Variants in ANO1 observed in about 807,000 individuals in gnomAD.
The protein encoded by ANO1 is anoctamin-1.
Under a neutral mutation model 124.0 loss-of-function variants are expected in ANO1, and 59 were observed. The observed-to-expected ratio is 0.48, with a 90% CI of 0.39 to 0.59. The LOEUF (loss-of-function observed/expected upper bound fraction) is 0.59, where lower values mean the gene tolerates loss of function less well. ANO1 is among the 20% of genes least tolerant of loss of function. The probability of loss-of-function intolerance (pLI) is 0.00; values close to 1 mark genes in which losing one functional copy is unlikely to be tolerated. For missense variants in ANO1, 1,059 were observed against 1,328.0 expected, an observed-to-expected ratio of 0.80 and a Z score of 3.15; for synonymous variants, 529 against 532.0, an observed-to-expected ratio of 0.99 and a Z score of 0.08.
intron 1 of ANO1, among the ~76,000 whole-genome samples, chr11:70,070,805 C>T (rs543219372): frequency 6.6e-6 from 1 of 152,270 alleles, no homozygotes; most frequent in Admixed American, 6.5e-5. Context: ...CTGAATGAAC[C>T]CCTCACTCTA....
chr11:69,971,807 C>T, the ANO1 span, among the ~76,000 whole-genome samples: 222 of 152,280 alleles, frequency 1.5e-3, 1 homozygote, highest in African/African-American at 4.9e-3. Flanking sequence ...ATGTAACTCT[C>T]ACCTTCACGA....
chr11:70,087,991 G>A lies in ANO1; in HGVS notation c.348G>A (p.Pro116=), dbSNP rs557246681. The change falls in exon 2 of 26, where the codon CCG becomes CCA. Residue 116 remains proline (P), a synonymous_variant. Transcript: ENST00000355303. ...TGGATGCAGGCTCGGGGGAGCCCCC[G>A]ATGGACTACCACGAGGATGACAAGC... ...ASLDAGSGEP[P]MDYHEDDKRF... The A allele has an allele frequency of 9.6e-6, 15 of 1,568,314 alleles. No homozygotes were observed. The highest frequency in any genetic ancestry group is 2.7e-5 in the African/African-American group (2 of 73,858).
At chr11:70,169,352 C>A (rs749661614) in intron 21 of ANO1, among the ~76,000 whole-genome samples, 1 of 152,114 alleles carries the variant, frequency 6.6e-6, no homozygotes, top group Non-Finnish European at 1.5e-5. Flanking sequence ...TTTCTCCCCA[C>A]CCCATGGGCT....
At chr11:70,141,117 T>G (rs1455784883) in intron 11 of ANO1, among the ~76,000 whole-genome samples, 1 of 152,308 alleles carries the variant, frequency 6.6e-6, no homozygotes, top group African/African-American at 2.4e-5. Context: ...CACCTCTCTG[T>G]CCAAACGTTC....
At position 70,006,913 on chromosome 11, in the gene ANO1, G is replaced by A. The variant is rs532769880; in HGVS notation, c.58+20747G>A. On this transcript the variant is annotated intron_variant, in intron 1 of 27. Coordinates refer to the ANO1 transcript ENST00000531349. ...TCGAACTCCTGACTTCAGGTGATCC[G>A]CCCGCCTCGGCCTCCCAAAGTGCTG... Among the ~76,000 whole-genome samples the A allele has an allele frequency of 1.1e-3, 170 of 151,928 alleles. 3 individuals are homozygous for A. Among genetic ancestry groups the A allele is most frequent in the Non-Finnish European group, 1.8e-3 (124 of 67,980 alleles).
intron 1 of ANO1, among the ~76,000 whole-genome samples, chr11:69,986,729 C>A (rs534176000): frequency 4.9e-4 from 75 of 152,256 alleles, no homozygotes; most frequent in Non-Finnish European, 9.6e-4. Flanking sequence ...CTTCCTCCCC[C>A]CTGGCTGCAC....
At chr11:70,036,768 C>T (rs550972289) in intron 1 of ANO1, among the ~76,000 whole-genome samples, 4 of 152,244 alleles carry the variant, frequency 2.6e-5, no homozygotes, top group Admixed American at 6.5e-5. Context: ...CCACCACACC[C>T]GGCTAATTTT....
chr11:70,000,855 C>T (rs1554999151), intron 1 of ANO1, among the ~76,000 whole-genome samples: 1 of 151,990 alleles, frequency 6.6e-6, no homozygotes, highest in Non-Finnish European at 1.5e-5. Flanking sequence ...CAACTGCTCC[C>T]AGCAACCGCA....
At chr11:70,173,721 C>T (rs1012982640) in intron 22 of ANO1, among the ~76,000 whole-genome samples, 19 of 152,194 alleles carry the variant, frequency 1.2e-4, no homozygotes, top group Non-Finnish European at 2.2e-4. Flanking sequence ...CCAAAGGCTA[C>T]GCTTTTCATA....
At chr11:70,070,540 A>T (rs1382488359) in intron 1 of ANO1, among the ~76,000 whole-genome samples, 1 of 152,146 alleles carries the variant, frequency 6.6e-6, no homozygotes, top group Non-Finnish European at 1.5e-5. Context: ...AAAGTTAGTC[A>T]TGACGGGTGC....
intron 1 of ANO1, among the ~76,000 whole-genome samples, chr11:70,043,026 A>G (rs972357131): frequency 4.6e-5 from 7 of 152,246 alleles, no homozygotes; most frequent in East Asian, 1.9e-4. Flanking sequence ...AAAATAATCA[A>G]TAGAAACAGA....
At chr11:70,103,027 CCG>C (rs754638209) in intron 2 of ANO1, 37 bp from the exon 3 acceptor site, 14 of 1,377,540 alleles carry the variant, frequency 1.0e-5, no homozygotes, top group Admixed American at 2.2e-5. Context: ...CAGAGATGCA[CCG>C]CCCCCCCTCA....
At chr11:70,117,517 G>A (rs2509146) in intron 8 of ANO1, among the ~76,000 whole-genome samples, 1 of 151,756 alleles carries the variant, frequency 6.6e-6, no homozygotes, top group Non-Finnish European at 1.5e-5. Flanking sequence ...CCATGCCCCC[G>A]AAAAGAACAT....
At chr11:70,073,110 C>A (rs1265657097) in intron 1 of ANO1, among the ~76,000 whole-genome samples, 1 of 152,176 alleles carries the variant, frequency 6.6e-6, no homozygotes, top group Non-Finnish European at 1.5e-5. Context: ...CAATCTGGAA[C>A]TTTTACTCTT....
intron 10 of ANO1, among the ~76,000 whole-genome samples, chr11:70,130,712 C>T (rs1457083081): frequency 1.3e-5 from 2 of 152,250 alleles, no homozygotes; most frequent in Non-Finnish European, 2.9e-5. Flanking sequence ...TGGCCCCAGG[C>T]TCACCTGTGC....
At chr11:70,035,914 C>T (rs574372855) in intron 1 of ANO1, among the ~76,000 whole-genome samples, 49 of 152,228 alleles carry the variant, frequency 3.2e-4, no homozygotes, top group Non-Finnish European at 4.9e-4. Context: ...TTTCTTTATC[C>T]AATCTATCAT....
chr11:70,123,654 G>A (rs1327796044), intron 8 of ANO1, among the ~76,000 whole-genome samples: 1 of 152,328 alleles, frequency 6.6e-6, no homozygotes, highest in East Asian at 1.9e-4. Flanking sequence ...GCCCCTCAAG[G>A]TACCTGAATC....
chr11:70,136,152 G>A (rs1471832103), intron 11 of ANO1, among the ~76,000 whole-genome samples: 1 of 152,220 alleles, frequency 6.6e-6, no homozygotes, highest in Admixed American at 6.5e-5. Context: ...GGGCTGGCTA[G>A]CAGCCCTGTG....
At chr11:69,999,861 G>A (rs1856348423) in intron 1 of ANO1, among the ~76,000 whole-genome samples, 1 of 152,176 alleles carries the variant, frequency 6.6e-6, no homozygotes, top group Admixed American at 6.5e-5. Context: ...GGAGGCAGGA[G>A]GGAGGGCTAT....
Sources: gnomAD v4.1 joint callset for allele counts (sites outside exome capture counted in the v4.1 genomes callset) on GRCh38, gnomAD v4.1.1 for gene constraint, MANE v1.5 for transcripts, NCBI Gene and HGNC (gene_info 2026-07-23, HGNC 2026-07-21) for gene names.